KIRREL3: variants seen among roughly 807,000 people sequenced by gnomAD.
KIRREL3 encodes kirre like nephrin family adhesion molecule 3.
Under a neutral mutation model 89.7 loss-of-function variants are expected in KIRREL3, and 36 were observed. The ratio of observed to expected loss-of-function variants is 0.40; its 90% CI spans 0.31 to 0.53. The LOEUF (loss-of-function observed/expected upper bound fraction) is 0.53. Ranked by LOEUF, KIRREL3 falls within the 20% of genes least tolerant of loss-of-function variation. The pLI is 0.49. For missense variants in KIRREL3, 864 were observed against 1,056.6 expected (o/e 0.82, Z 2.53); for synonymous variants, 445 against 441.4 (o/e 1.01, Z -0.10).
intron 4 of KIRREL3, among the ~76,000 whole-genome samples, chr11:126,510,434 T>TTCCTTCCTTCCTTCCA (rs1163887723): frequency 1.4e-5 from 2 of 146,330 alleles, no homozygotes; most frequent in African/African-American, 5.1e-5. Context: ...CCTTCCTTCC[T>TTCCTTCCTTCCTTCCA]TCCTTCCTTC....
At chr11:126,859,443 G>A (rs1944637740) in intron 1 of KIRREL3, among the ~76,000 whole-genome samples, 1 of 152,092 alleles carries the variant, frequency 6.6e-6, no homozygotes, top group African/African-American at 2.4e-5. Flanking sequence ...TGCTATACAA[G>A]CCATTTTATA....
chr11:126,875,550 A>G (rs1341108339), intron 1 of KIRREL3, among the ~76,000 whole-genome samples: 1 of 152,248 alleles, frequency 6.6e-6, no homozygotes, highest in African/African-American at 2.4e-5. Context: ...TAGACATTAG[A>G]GGTGAGCAAG....
rs1955686405 is a variant in KIRREL3 at position 126,443,916 on chromosome 11, A to G, written c.1252+1063T>C. On this transcript the variant is annotated intron_variant, in intron 10 of 16. Coordinates refer to ENST00000525144, the MANE Select transcript of KIRREL3 (RefSeq NM_032531.4). This position sits in a 1 kb window ranked among gnomAD's most constrained non-coding sequence, Gnocchi z 7.3. ...CCTCCCAAAGGGCAGTGGGCATGAC[A>G]GAGGTGAGGGGGGAGCATTCGGAAA... is the stretch of plus-strand genomic sequence containing the variant. Among the ~76,000 whole-genome samples the G allele has an allele frequency of 6.6e-6, 1 of 152,128 alleles. No individual in the cohort carries two copies. Among genetic ancestry groups the G allele is most frequent in the East Asian group, 1.9e-4 (1 of 5,184 alleles).
chr11:126,921,866 CCTATCTAT>C (rs147316924), intron 1 of KIRREL3, among the ~76,000 whole-genome samples: 20 of 148,514 alleles, frequency 1.3e-4, no homozygotes, highest in African/African-American at 2.0e-4. Flanking sequence ...TTTCTGTCAT[CCTATCTAT>C]CTATCTATCA....
rs1473707757 is a variant in KIRREL3, at chr11:126,993,332, C to T, written c.55+7123G>A. On this transcript the variant is annotated intron_variant, in intron 1 of 16. Coordinates refer to ENST00000525144, the MANE Select transcript of KIRREL3 (RefSeq NM_032531.4). The surrounding 1 kb of genome is among the most constrained non-coding windows in gnomAD (Gnocchi z 6.1). ...CTTCCCTAACACAGCAGCACTCTAG[C>T]CATCATACTGCCCATGGCTTCTGAA... 1.3e-5 allele frequency among the ~76,000 whole-genome samples: 2 copies of T among 152,224 alleles called. No individual in the cohort carries two copies. Among genetic ancestry groups the T allele is most frequent in the Non-Finnish European group, 2.9e-5 (2 of 68,038 alleles).
intron 4 of KIRREL3, among the ~76,000 whole-genome samples, chr11:126,514,021 G>A (rs1291202602): frequency 6.6e-6 from 1 of 152,136 alleles, no homozygotes; most frequent in African/African-American, 2.4e-5. Flanking sequence ...TGGTGTCAGT[G>A]GCCAAAGGGA....
rs73030466 is a variant in KIRREL3 at position 126,872,393 on chromosome 11, C to T, written c.55+128062G>A. On this transcript the variant is annotated intron_variant, in intron 1 of 16. Coordinates refer to ENST00000525144, the MANE Select transcript of KIRREL3 (RefSeq NM_032531.4). The surrounding 1 kb of genome is among the most constrained non-coding windows in gnomAD (Gnocchi z 4.2). ...TATGCTGCTATTCTGGGCATGGGCA[C>T]GGGGCTTATGGGGTAGCCCTGCTCA... Among the ~76,000 whole-genome samples the T allele has an allele frequency of 0.02, 3,107 of 152,284 alleles. 46 individuals carry two copies. Among genetic ancestry groups the T allele is most frequent in the South Asian group, 0.032 (154 of 4,832 alleles).
intron 1 of KIRREL3, among the ~76,000 whole-genome samples, chr11:126,584,663 T>C (rs1186779850): frequency 6.6e-6 from 1 of 152,170 alleles, no homozygotes; most frequent in African/African-American, 2.4e-5. Flanking sequence ...TACCAGCTTC[T>C]CTCTGGTGTC....
rs943122585 is a variant in KIRREL3 at position 126,734,677 on chromosome 11, G to A, written c.56-171765C>T. ...CTCTGTCTCAAAAGAAAAAAAAAAAGAAATTTAGTATTCTATGTACTAGGA... is the reference window on the plus strand; with the variant it reads ...CTCTGTCTCAAAAGAAAAAAAAAAAAAAATTTAGTATTCTATGTACTAGGA... On this transcript the variant is annotated intron_variant, in intron 1 of 16. Transcript: ENST00000525144. The surrounding 1 kb of genome is among the most constrained non-coding windows in gnomAD (Gnocchi z 5.9). Among the ~76,000 whole-genome samples the A allele has an allele frequency of 6.6e-6, 1 of 151,682 alleles. No homozygotes were observed. Among genetic ancestry groups the A allele is most frequent in the Non-Finnish European group, 1.5e-5 (1 of 67,962 alleles).
intron 1 of KIRREL3, among the ~76,000 whole-genome samples, chr11:126,827,747 C>T (rs1316682664): frequency 6.6e-6 from 1 of 152,134 alleles, no homozygotes; most frequent in African/African-American, 2.4e-5. Flanking sequence ...TTGACTTGCA[C>T]CTGAGTAAGT....
At chr11:126,956,902 C>G (rs924668555) in intron 1 of KIRREL3, among the ~76,000 whole-genome samples, 1 of 152,162 alleles carries the variant, frequency 6.6e-6, no homozygotes, top group Non-Finnish European at 1.5e-5. Flanking sequence ...GACACAGAGG[C>G]GCGAAAACAG....
At chr11:126,921,410 T>G (rs574689030) in intron 1 of KIRREL3, among the ~76,000 whole-genome samples, 2 of 150,578 alleles carry the variant, frequency 1.3e-5, no homozygotes, top group African/African-American at 4.9e-5. Context: ...TATCTATCTA[T>G]CTATCTATCT....
At position 126,639,035 on chromosome 11, in the gene KIRREL3, A is replaced by C. The variant is rs1944371313; in HGVS notation, c.56-76123T>G. On this transcript the variant is annotated intron_variant, in intron 1 of 16. Transcript: ENST00000525144. This position sits in a 1 kb window ranked among gnomAD's most constrained non-coding sequence, Gnocchi z 4.3. ...AAGATTCACAAGTAATTTGAAAGGC[A>C]TCTCTATTTATCTCGCTGGTGTTTC... is the stretch of plus-strand genomic sequence containing the variant. 6.6e-6 allele frequency among the ~76,000 whole-genome samples: 1 copy of C among 152,144 alleles called. No individual in the cohort carries two copies. The highest frequency in any genetic ancestry group is 1.5e-5 in the Non-Finnish European group (1 of 68,024).
intron 1 of KIRREL3, among the ~76,000 whole-genome samples, chr11:126,884,470 C>G (rs1370680253): frequency 1.3e-5 from 2 of 152,176 alleles, no homozygotes; most frequent in Admixed American, 6.5e-5. Flanking sequence ...GAGAGAATTG[C>G]AAATCTACAA....
At chr11:126,483,798 C>G (rs1957282314) in intron 4 of KIRREL3, among the ~76,000 whole-genome samples, 1 of 152,204 alleles carries the variant, frequency 6.6e-6, no homozygotes, top group African/African-American at 2.4e-5. Context: ...AATCTCCTTG[C>G]CTGAGTCTTA....
At chr11:126,483,800 T>C (rs1565490679) in intron 4 of KIRREL3, among the ~76,000 whole-genome samples, 4 of 152,242 alleles carry the variant, frequency 2.6e-5, no homozygotes, top group African/African-American at 9.6e-5. Flanking sequence ...TCTCCTTGCC[T>C]GAGTCTTAAC....
chr11:126,446,904 A>G lies in KIRREL3; in HGVS notation c.998-18T>C, dbSNP rs771189955. 3 of 1,602,982 alleles carry G rather than the reference A, an allele frequency of 1.9e-6. No homozygotes were observed. Among genetic ancestry groups the G allele is most frequent in the African/African-American group, 1.3e-5 (1 of 74,764 alleles). ...GGGCCCAACTGCGATGTGAGGAAGA[A>G]GAAGACAGGTTCAGGTGGGTGGGGA... On this transcript the variant is annotated intron_variant, in intron 8 of 16. Transcript: ENST00000525144.
chr11:126,440,144 G>C (rs1324195197), intron 11 of KIRREL3: 1 of 604,000 alleles, frequency 1.7e-6, no homozygotes, highest in Non-Finnish European at 3.1e-6. Context: ...GAAGTCACTT[G>C]TCTTTTCTCT....
chr11:126,533,369 T>C (rs1565529823), intron 2 of KIRREL3, among the ~76,000 whole-genome samples: 1 of 152,164 alleles, frequency 6.6e-6, no homozygotes, highest in African/African-American at 2.4e-5. Flanking sequence ...GAACCCACCT[T>C]AGACCTCCCT....
Sources: allele counts gnomAD v4.1 joint callset (sites outside exome capture counted in the v4.1 genomes callset), GRCh38; gene constraint gnomAD v4.1.1; non-coding constraint Gnocchi (gnomAD v3.1); transcripts MANE v1.5; gene names NCBI Gene and HGNC (gene_info 2026-07-23, HGNC 2026-07-21).